NYAP2: variants seen among roughly 807,000 people sequenced by gnomAD.
The protein encoded by NYAP2 is neuronal tyrosine-phosphorylated phosphoinositide-3-kinase adapter 2.
A neutral mutation model predicts 50.4 loss-of-function variants in NYAP2; 23 were observed. The ratio of observed to expected loss-of-function variants is 0.46; its 90% CI spans 0.33 to 0.65. The LOEUF (loss-of-function observed/expected upper bound fraction) is 0.65. Ranked by LOEUF, NYAP2 falls within the 30% of genes least tolerant of loss-of-function variation. The probability of loss-of-function intolerance (pLI) is 0.02; values close to 1 mark genes in which losing one functional copy is unlikely to be tolerated. For missense variants in NYAP2, 885 were observed against 861.0 expected (o/e 1.03, Z -0.35); for synonymous variants, 394 against 365.2 (o/e 1.08, Z -0.90).
chr2:225,526,174 C>A (rs77406341), intron 4 of NYAP2, among the ~76,000 whole-genome samples: 1 of 152,202 alleles, frequency 6.6e-6, no homozygotes, highest in Admixed American at 6.6e-5. Flanking sequence ...TGTGCCCAGA[C>A]ATCTGATCTA....
Position 225,513,509 on chromosome 2 carries a change from C to G in NYAP2, c.360C>G (p.Ser120=), listed in dbSNP as rs1690870745. The G allele has an allele frequency of 1.2e-5, 20 of 1,613,860 alleles. No individual in the cohort carries two copies. The East Asian group carries it at 3.3e-4, about 27-fold the overall frequency. ...GTGGCTTTTCTGTGAGATCACAGTC[C>G]CTGCACTCGGTTGGGGGCACAGACG... The change falls in exon 4 of 7, where the codon TCC becomes TCG. Residue 120 remains serine, a synonymous_variant. Coordinates refer to ENST00000636099, the Ensembl canonical transcript of NYAP2.
At chr2:225,579,701 G>A (rs1574689761) in intron 4 of NYAP2, among the ~76,000 whole-genome samples, 1 of 152,130 alleles carries the variant, frequency 6.6e-6, no homozygotes, top group South Asian at 2.1e-4. Context: ...GCCCAGATCT[G>A]CCACTGAAAG....
chr2:225,671,459 A>C, the NYAP2 span, among the ~76,000 whole-genome samples: 1 of 152,094 alleles, frequency 6.6e-6, no homozygotes, highest in Non-Finnish European at 1.5e-5. Context: ...TTACTTCTTC[A>C]AGCTCCCTTT....
chr2:225,593,837 G>GA (rs1217891814), intron 5 of NYAP2, among the ~76,000 whole-genome samples: 2 of 152,152 alleles, frequency 1.3e-5, no homozygotes, highest in African/African-American at 4.8e-5. Flanking sequence ...ACCATTAAGT[G>GA]AAAAAACAAA....
chr2:225,548,785 G>C (rs1691625518), intron 4 of NYAP2, among the ~76,000 whole-genome samples: 1 of 151,988 alleles, frequency 6.6e-6, no homozygotes, highest in South Asian at 2.1e-4. Context: ...TCATTCTAAG[G>C]GACAACTTTG....
chr2:225,497,499 C>G (rs762474745), intron 3 of NYAP2, among the ~76,000 whole-genome samples: 24 of 152,176 alleles, frequency 1.6e-4, no homozygotes, highest in Non-Finnish European at 3.2e-4. Flanking sequence ...CACTTCTCAG[C>G]TTTATCAGTT....
intron 4 of NYAP2, among the ~76,000 whole-genome samples, chr2:225,537,575 T>C (rs1379588853): frequency 2.0e-5 from 3 of 152,052 alleles, no homozygotes; most frequent in Non-Finnish European, 4.4e-5. Flanking sequence ...ATGGGAAAGA[T>C]CTGACCCCAT....
intron 4 of NYAP2, among the ~76,000 whole-genome samples, chr2:225,568,887 C>G (rs1362023660): frequency 6.6e-6 from 1 of 152,030 alleles, no homozygotes; most frequent in Admixed American, 6.6e-5. Flanking sequence ...AAGCTTTCCC[C>G]CTTATACTCT....
chr2:225,548,163 A>T (rs979426010), intron 4 of NYAP2, among the ~76,000 whole-genome samples: 3 of 151,698 alleles, frequency 2.0e-5, no homozygotes, highest in Admixed American at 2.0e-4. Context: ...AACTGAGGAG[A>T]TGTTGTCTGT....
At chr2:225,487,988 AG>A (rs1466759698) in intron 3 of NYAP2, among the ~76,000 whole-genome samples, 1 of 152,220 alleles carries the variant, frequency 6.6e-6, no homozygotes, top group African/African-American at 2.4e-5. Context: ...TGTAAGAGGA[AG>A]GGGCCCATCT....
intron 3 of NYAP2, among the ~76,000 whole-genome samples, chr2:225,438,008 CCT>C (rs151266414): frequency 8.6e-5 from 13 of 150,448 alleles, no homozygotes; most frequent in South Asian, 2.1e-4. Flanking sequence ...TCATTCTTGC[CCT>C]CTCTCTCTCT....
At chr2:225,491,756 A>G (rs1308984003) in intron 3 of NYAP2, among the ~76,000 whole-genome samples, 1 of 152,204 alleles carries the variant, frequency 6.6e-6, no homozygotes, top group Admixed American at 6.5e-5. Context: ...ACATTTCCAG[A>G]TTGGATATGA....
the NYAP2 span, among the ~76,000 whole-genome samples, chr2:225,683,235 G>C: frequency 6.6e-6 from 1 of 152,118 alleles, no homozygotes; most frequent in East Asian, 1.9e-4. Context: ...AGCCTAAGCT[G>C]GTCCCTATCT....
At chr2:225,576,801 T>C (rs990229977) in intron 4 of NYAP2, among the ~76,000 whole-genome samples, 2 of 152,232 alleles carry the variant, frequency 1.3e-5, no homozygotes, top group African/African-American at 4.8e-5. Context: ...ATTTAAGTTT[T>C]GAGATTCTCT....
At chr2:225,462,750 G>T (rs1256944127) in intron 3 of NYAP2, among the ~76,000 whole-genome samples, 2 of 152,168 alleles carry the variant, frequency 1.3e-5, no homozygotes, top group South Asian at 4.1e-4. Flanking sequence ...TAGTCAGATT[G>T]AAATATAATT....
At chr2:225,586,745 C>T (rs1452483828) in intron 5 of NYAP2, among the ~76,000 whole-genome samples, 3 of 151,912 alleles carry the variant, frequency 2.0e-5, no homozygotes, top group Non-Finnish European at 4.4e-5. Context: ...AAATCAGGTG[C>T]CATGAATCAT....
intron 3 of NYAP2, among the ~76,000 whole-genome samples, chr2:225,501,082 A>G (rs953492246): frequency 1.3e-5 from 2 of 152,314 alleles, no homozygotes; most frequent in Middle Eastern, 6.8e-3. Context: ...ACATACTGAA[A>G]TTATACTGAA....
intron 6 of NYAP2, among the ~76,000 whole-genome samples, chr2:225,631,284 C>A (rs1693309644): frequency 6.6e-6 from 1 of 152,076 alleles, no homozygotes; most frequent in South Asian, 2.1e-4. Flanking sequence ...CACTTTCTTC[C>A]ATATCAAAAC....
chr2:225,419,643 G>T (rs1226753890), intron 3 of NYAP2, among the ~76,000 whole-genome samples: 1 of 152,156 alleles, frequency 6.6e-6, no homozygotes, highest in Non-Finnish European at 1.5e-5. Flanking sequence ...ACAACACATG[G>T]CACAACTAGC....
Sources: gnomAD v4.1 joint callset for allele counts (sites outside exome capture counted in the v4.1 genomes callset) on GRCh38, gnomAD v4.1.1 for gene constraint, MANE v1.5 for transcripts, NCBI Gene and HGNC (gene_info 2026-07-23, HGNC 2026-07-21) for gene names.